RFTN1: variants seen among roughly 807,000 people sequenced by gnomAD.
RFTN1 encodes raftlin.
RFTN1 carries 26 observed loss-of-function variants against 46.5 expected under a neutral mutation model. The observed-to-expected ratio is 0.56, with a 90% CI of 0.41 to 0.78. The LOEUF (loss-of-function observed/expected upper bound fraction) is 0.78. Among genes scored for constraint, RFTN1 ranks in the 30% least tolerant of loss-of-function variants. The pLI, the probability that RFTN1 is intolerant of heterozygous loss-of-function variation, is 0.00. For missense variants in RFTN1, 693 were observed against 718.7 expected (o/e 0.96, Z 0.41); for synonymous variants, 261 against 284.2 (o/e 0.92, Z 0.82).
Position 16,374,239 on chromosome 3 carries a change from T to C in RFTN1, c.826+3479A>G, listed in dbSNP as rs974624985. 1.3e-5 allele frequency among the ~76,000 whole-genome samples: 2 copies of C among 151,778 alleles called. No homozygotes were observed. Among genetic ancestry groups the C allele is most frequent in the African/African-American group, 4.8e-5 (2 of 41,384 alleles). On this transcript the variant is annotated intron_variant, in intron 5 of 9. Transcript: ENST00000334133. The surrounding 1 kb of genome is among the most constrained non-coding windows in gnomAD (Gnocchi z 5.4). ...AGCCAGTAAGTGGCACAGCCAAGAG[T>C]CTTTCAAACCCCAAACCCTGGGCTC...
chr3:16,369,881 A>ATCC (rs2073421902), intron 6 of RFTN1, among the ~76,000 whole-genome samples, 195 bp downstream of exon 6: 1 of 152,232 alleles, frequency 6.6e-6, no homozygotes, highest in Non-Finnish European at 1.5e-5. Context: ...GCTGACTCGT[A>ATCC]GAGAGGTTTT....
chr3:16,356,980 T>G lies in RFTN1; in HGVS notation c.1146+952A>C, dbSNP rs952862409. 2.0e-5 allele frequency among the ~76,000 whole-genome samples: 3 copies of G among 151,914 alleles called. No homozygotes were observed. Among genetic ancestry groups the G allele is most frequent in the African/African-American group, 7.2e-5 (3 of 41,398 alleles). ...AAATACAAAAATTAGCTGGGTGTGGTGGCGGGTGCCTGTAGTCCCAGCTAC... is the reference window on the plus strand; with the variant it reads ...AAATACAAAAATTAGCTGGGTGTGGGGGCGGGTGCCTGTAGTCCCAGCTAC... On this transcript the variant is annotated intron_variant, in intron 7 of 9. Coordinates refer to ENST00000334133, the MANE Select transcript of RFTN1 (RefSeq NM_015150.2). This position sits in a 1 kb window ranked among gnomAD's most constrained non-coding sequence, Gnocchi z 4.9.
At chr3:16,357,452 C>T (rs1315996701) in intron 7 of RFTN1, among the ~76,000 whole-genome samples, 1 of 152,164 alleles carries the variant, frequency 6.6e-6, no homozygotes, top group Admixed American at 6.5e-5. Context: ...CTCTCTGTGC[C>T]TCAGTTTCCT....
rs1294285816 is a variant in RFTN1 at position 16,382,284 on chromosome 3, A to T, written c.442-4182T>A. 6.6e-6 allele frequency among the ~76,000 whole-genome samples: 1 copy of T among 152,202 alleles called. No individual in the cohort carries two copies. The highest frequency in any genetic ancestry group is 2.4e-5 in the African/African-American group (1 of 41,440). On this transcript the variant is annotated intron_variant, in intron 4 of 9. Coordinates refer to ENST00000334133, the MANE Select transcript of RFTN1 (RefSeq NM_015150.2). The surrounding 1 kb of genome is among the most constrained non-coding windows in gnomAD (Gnocchi z 4.7). ...CCACATTTAGATTTTATGAAGATCA[A>T]TATTTGGCTAGATCTAGGGGCCACG...
rs1010314996 is a variant in RFTN1, at chr3:16,346,381, T to C, written c.1146+11551A>G. ...AGTGAAATATGGCTGTCTGAGAAAA[T>C]AGGACAATTGAGTTTATGGAAGAAA... On this transcript the variant is annotated intron_variant, in intron 7 of 9. Transcript: ENST00000334133. The surrounding 1 kb of genome is among the most constrained non-coding windows in gnomAD (Gnocchi z 4.4). The C allele has an allele frequency of 6.6e-6, 1 of 152,144 alleles. No individual in the cohort carries two copies. Among genetic ancestry groups the C allele is most frequent in the Non-Finnish European group, 1.5e-5 (1 of 68,012 alleles). 9.4% of individuals were successfully genotyped at this position (152,144 alleles called of 1,614,324 possible).
At chr3:16,464,370 A>T (rs1173155585) in intron 2 of RFTN1, among the ~76,000 whole-genome samples, 1 of 152,154 alleles carries the variant, frequency 6.6e-6, no homozygotes. Context: ...TCTTCTTGAT[A>T]TTTTAGCCCC....
In RFTN1 at chr3:16,436,495, T is replaced by A. The variant is rs979953405; in HGVS notation, c.146-2458A>T. Among the ~76,000 whole-genome samples the A allele has an allele frequency of 6.6e-5, 10 of 152,334 alleles. 2 individuals carry two copies. The highest frequency in any genetic ancestry group is 2.0e-4 in the Admixed American group (3 of 15,306). ...AAAACTTTTTAAATGAAGCTGAATT[T>A]ACCAATCTTGCTTTCAATGGCTTCT... On this transcript the variant is annotated intron_variant, in intron 2 of 9. Transcript: ENST00000334133.
chr3:16,419,876 T>A (rs1026146900), intron 3 of RFTN1, among the ~76,000 whole-genome samples: 1 of 152,136 alleles, frequency 6.6e-6, no homozygotes, highest in Non-Finnish European at 1.5e-5. Context: ...ATTCAGCACT[T>A]CTGTTGAAAA....
intron 7 of RFTN1, chr3:16,350,009 T>C (rs2071985056): frequency 1.3e-5 from 2 of 151,932 alleles, no homozygotes; most frequent in Admixed American, 6.6e-5. Context: ...TAATGTGCTT[T>C]ACTCTTCTAC....
chr3:16,377,697 T>C, intron 5 of RFTN1, 21 bp downstream of exon 5: 1 of 1,560,030 alleles, frequency 6.4e-7, no homozygotes, highest in South Asian at 1.2e-5. Context: ...GGGTCAAAAC[T>C]CCCATTGCTG....
At chr3:16,350,018 A>G (rs2071985514) in intron 7 of RFTN1, 1 of 152,230 alleles carries the variant, frequency 6.6e-6, no homozygotes, top group African/African-American at 2.4e-5. Context: ...TTACTCTTCT[A>G]CTGAGTGGAA....
Position 16,407,907 on chromosome 3 carries a change from G to A in RFTN1, c.441+1468C>T, listed in dbSNP as rs1178281561. 6.6e-6 allele frequency among the ~76,000 whole-genome samples: 1 copy of A among 152,042 alleles called. No homozygotes were observed. Among genetic ancestry groups the A allele is most frequent in the African/African-American group, 2.4e-5 (1 of 41,390 alleles). On this transcript the variant is annotated intron_variant, in intron 4 of 9. Transcript: ENST00000334133. This position sits in a 1 kb window ranked among gnomAD's most constrained non-coding sequence, Gnocchi z 4.0. ...AGAGATCATCTGGCTCCTGGTCTAT[G>A]GGCCATAGACCCATACATGAGCGGC... is the stretch of plus-strand genomic sequence containing the variant.
intron 5 of RFTN1, among the ~76,000 whole-genome samples, chr3:16,372,596 G>A (rs2073564079): frequency 6.6e-6 from 1 of 152,234 alleles, no homozygotes; most frequent in African/African-American, 2.4e-5. Context: ...AGTGGCCAAA[G>A]TCCAAAACTA....
chr3:16,411,648 A>C (rs1295248635), intron 3 of RFTN1, among the ~76,000 whole-genome samples: 1 of 152,240 alleles, frequency 6.6e-6, no homozygotes, highest in Admixed American at 6.5e-5. Context: ...AAGAGGAACT[A>C]AGGCAGATGA....
intron 5 of RFTN1, among the ~76,000 whole-genome samples, chr3:16,373,949 G>A (rs553717373): frequency 2.0e-5 from 3 of 152,316 alleles, no homozygotes; most frequent in Non-Finnish European, 4.4e-5. Context: ...CTCAAGCTTC[G>A]CTAAGGCTTG....
In RFTN1 at chr3:16,433,788, C is replaced by G; in HGVS notation, c.332+63G>C. Reference sequence around the variant, plus strand: ...CCCCAACCCCATCCTCTCACTTCCCCTCCTCTATTGAGCATAACTTAGCCG... The same window carrying G: ...CCCCAACCCCATCCTCTCACTTCCCGTCCTCTATTGAGCATAACTTAGCCG... On this transcript the variant is annotated intron_variant, in intron 3 of 9. Coordinates refer to ENST00000334133, the MANE Select transcript of RFTN1 (RefSeq NM_015150.2). The surrounding 1 kb of genome is among the most constrained non-coding windows in gnomAD (Gnocchi z 4.4). 6.5e-7 allele frequency: 1 copy of G among 1,549,254 alleles called. No homozygotes were observed. Among genetic ancestry groups the G allele is most frequent in the Non-Finnish European group, 8.9e-7 (1 of 1,122,088 alleles).
rs2075474137 is a variant in RFTN1, at chr3:16,434,975, A to G, written c.146-938T>C. 2.0e-5 allele frequency among the ~76,000 whole-genome samples: 3 copies of G among 152,348 alleles called. No individual in the cohort carries two copies. In the South Asian group the frequency reaches 6.2e-4, roughly 32 times the overall value. On this transcript the variant is annotated intron_variant, in intron 2 of 9. Transcript: ENST00000334133. ...ATAAAAACCAGGAATATTTTCACCTATTGAATTATTTTAAAATTTGGATTT... is the reference window on the plus strand; with the variant it reads ...ATAAAAACCAGGAATATTTTCACCTGTTGAATTATTTTAAAATTTGGATTT...
At chr3:16,396,912 A>G (rs533194183) in intron 4 of RFTN1, among the ~76,000 whole-genome samples, 1 of 152,152 alleles carries the variant, frequency 6.6e-6, no homozygotes, top group South Asian at 2.1e-4. Flanking sequence ...AAAATACAAA[A>G]ATTAGCTGGG....
chr3:16,356,400 A>G lies in RFTN1; in HGVS notation c.1146+1532T>C, dbSNP rs1301288552. Among the ~76,000 whole-genome samples the G allele has an allele frequency of 6.6e-6, 1 of 151,644 alleles. No individual in the cohort carries two copies. The highest frequency in any genetic ancestry group is 2.4e-5 in the African/African-American group (1 of 41,242). The stretch of plus-strand genomic sequence containing the variant: ...CAGCCCCGGATGCTGTGACTTTCCA[A>G]CTCCTGCTTCTGACGACTCCAGTTC... On this transcript the variant is annotated intron_variant, in intron 7 of 9. Transcript: ENST00000334133. This position sits in a 1 kb window ranked among gnomAD's most constrained non-coding sequence, Gnocchi z 4.9.
Sources: allele counts gnomAD v4.1 joint callset (sites outside exome capture counted in the v4.1 genomes callset), GRCh38; gene constraint gnomAD v4.1.1; non-coding constraint Gnocchi (gnomAD v3.1); transcripts MANE v1.5; gene names NCBI Gene and HGNC (gene_info 2026-07-23, HGNC 2026-07-21).